Variants in DBX2 observed in about 807,000 individuals in gnomAD.
DBX2 encodes the protein homeobox protein DBX2.
A neutral mutation model predicts 17.7 loss-of-function variants in DBX2; 16 were observed. The ratio of observed to expected loss-of-function variants is 0.90; its 90% CI spans 0.61 to 1.37. DBX2 has a LOEUF of 1.37. Ranked by LOEUF, DBX2 falls within the 40% of genes most tolerant of loss-of-function variation. The probability of loss-of-function intolerance (pLI) is 0.00; values close to 1 mark genes in which losing one functional copy is unlikely to be tolerated. For missense variants in DBX2, 538 were observed against 433.8 expected, an observed-to-expected ratio of 1.24 and a Z score of -2.13; for synonymous variants, 255 against 183.8, an observed-to-expected ratio of 1.39 and a Z score of -3.13.
intron 2 of DBX2, among the ~76,000 whole-genome samples, chr12:45,025,017 G>C (rs1177548622): frequency 6.6e-6 from 1 of 152,166 alleles, no homozygotes; most frequent in Non-Finnish European, 1.5e-5. Flanking sequence ...CACTCATTCT[G>C]CTTCCCAGGT....
chr12:45,015,780 G>T lies in DBX2; in HGVS notation c.*506C>A, dbSNP rs1475858792. 6.6e-6 allele frequency: 1 copy of T among 152,190 alleles called. No homozygotes were observed. The highest frequency in any genetic ancestry group is 2.4e-5 in the African/African-American group (1 of 41,452). The allele number at this position is 152,190 out of a possible 1,614,324, so 9.4% of individuals were successfully genotyped here. On this transcript the variant is annotated 3_prime_UTR_variant, in exon 4 of 4. Coordinates refer to ENST00000332700, the MANE Select transcript of DBX2 (RefSeq NM_001004329.3). ...ATTCACTTACAGCTGGATACCAAAA[G>T]AAGTCAGAAAATAGAGAATTTTTAA...
intron 3 of DBX2, among the ~76,000 whole-genome samples, chr12:45,018,883 G>A (rs1200527484): frequency 6.6e-6 from 1 of 151,714 alleles, no homozygotes; most frequent in Non-Finnish European, 1.5e-5. Context: ...AGTAAAACAG[G>A]CCAGGATAAA....
intron 1 of DBX2, among the ~76,000 whole-genome samples, chr12:45,044,775 G>A (rs1946490909): frequency 6.6e-6 from 1 of 151,990 alleles, no homozygotes; most frequent in Admixed American, 6.6e-5. Context: ...ACAAAAGTGT[G>A]CCCCTGACAT....
chr12:45,035,019 G>A (rs1345780398), intron 2 of DBX2, among the ~76,000 whole-genome samples: 1 of 152,236 alleles, frequency 6.6e-6, no homozygotes. Flanking sequence ...CTGTGGGAAA[G>A]TATCAGCCCC....
rs370822866 is a variant in DBX2, at chr12:45,051,005, C to T, written c.-78G>A. On this transcript the variant is annotated 5_prime_UTR_variant, in exon 1 of 4. Transcript: ENST00000332700. ...CGGGCGCCCCGCACCGCACCCAGAG[C>T]CGCAGCTTCTCGCCGCCGCCTCCCG... The T allele has an allele frequency of 1.5e-6, 2 of 1,313,448 alleles. No individual in the cohort carries two copies. Among genetic ancestry groups the T allele is most frequent in the Non-Finnish European group, 1.9e-6 (2 of 1,035,630 alleles). 81.4% of individuals were successfully genotyped at this position (1,313,448 alleles called of 1,614,324 possible). A position where few individuals can be genotyped will look rare whatever the true frequency, so the allele number is the denominator to read the frequency against.
chr12:45,026,565 T>C (rs1946382612), intron 2 of DBX2, among the ~76,000 whole-genome samples: 1 of 152,208 alleles, frequency 6.6e-6, no homozygotes, highest in Non-Finnish European at 1.5e-5. Context: ...ACAAATGTAC[T>C]AACCCTACAC....
chr12:45,019,938 C>T (rs1020181549), intron 3 of DBX2, among the ~76,000 whole-genome samples: 9 of 152,104 alleles, frequency 5.9e-5, no homozygotes, highest in African/African-American at 2.2e-4. Flanking sequence ...TTTTACTACA[C>T]ACAACATGAA....
chr12:45,039,323 G>C lies in DBX2; in HGVS notation c.404-3209C>G, dbSNP rs11182804. 4.4e-3 allele frequency among the ~76,000 whole-genome samples: 368 copies of C among 84,496 alleles called. 14 individuals are homozygous for C. In the East Asian group the frequency reaches 0.083, roughly 19 times the overall value. The allele number at this position is 84,496 out of a possible 152,430, so 55.4% of individuals were successfully genotyped here. On this transcript the variant is annotated intron_variant, in intron 1 of 3. Transcript: ENST00000332700. The stretch of plus-strand genomic sequence containing the variant: ...TATATATATATATATATATATATAT[G>C]TATCACACTTTTAACTTTAGTGAAC...
At position 45,016,450 on chromosome 12, in the gene DBX2, G is replaced by A; in HGVS notation, c.856C>T (p.His286Tyr). ...CPSIWDVPQQ[H>Y]SSPRWRENSP... ...TTCTCCCTCCATCTTGGACTTGAGT[G>A]CTGTTGGGGGACGTCCCATATTGAA... Residue 286 changes from histidine to tyrosine, a missense_variant, in exon 4 of 4, where the codon CAC (histidine) becomes TAC (tyrosine). His to Tyr is a moderately conservative substitution (Grantham distance 83, BLOSUM62 2). Transcript: ENST00000332700. 2 of 1,614,012 alleles carry A rather than the reference G, an allele frequency of 1.2e-6. No homozygotes were observed. Among genetic ancestry groups the A allele is most frequent in the Non-Finnish European group, 8.5e-7 (1 of 1,179,952 alleles).
intron 2 of DBX2, among the ~76,000 whole-genome samples, chr12:45,034,188 T>C (rs1946423707): frequency 6.6e-6 from 1 of 151,966 alleles, no homozygotes; most frequent in Non-Finnish European, 1.5e-5. Flanking sequence ...TTTTTGTCCA[T>C]TTCCACTTAC....
Position 45,016,120 on chromosome 12 carries a change from A to T in DBX2, c.*166T>A. 2 of 640,262 alleles carry T rather than the reference A, an allele frequency of 3.1e-6. No individual in the cohort carries two copies. Among genetic ancestry groups the T allele is most frequent in the Non-Finnish European group, 4.9e-6 (2 of 409,472 alleles). 39.7% of individuals were successfully genotyped at this position (640,262 alleles called of 1,614,324 possible). A position where few individuals can be genotyped will look rare whatever the true frequency, so the allele number is the denominator to read the frequency against. ...CCACTTACAAATTAAGCCTGAGTCTAGGGCCAAACAAGAGAACACTAGAGT... is the reference window on the plus strand; with the variant it reads ...CCACTTACAAATTAAGCCTGAGTCTTGGGCCAAACAAGAGAACACTAGAGT... On this transcript the variant is annotated 3_prime_UTR_variant, in exon 4 of 4. Transcript: ENST00000332700.
chr12:45,037,122 A>C (rs1565584623), intron 1 of DBX2, among the ~76,000 whole-genome samples: 1 of 152,190 alleles, frequency 6.6e-6, no homozygotes, highest in Non-Finnish European at 1.5e-5. Context: ...CTTTGAATTT[A>C]ACATTTTAAG....
intron 1 of DBX2, among the ~76,000 whole-genome samples, chr12:45,050,056 AC>A (rs1231177968): frequency 1.3e-5 from 2 of 151,980 alleles, no homozygotes; most frequent in African/African-American, 4.8e-5. Context: ...GACCATCCTA[AC>A]AGTTTCAGTG....
intron 1 of DBX2, among the ~76,000 whole-genome samples, chr12:45,039,433 C>T (rs1398108458): frequency 6.6e-6 from 1 of 150,538 alleles, no homozygotes; most frequent in Non-Finnish European, 1.5e-5. Flanking sequence ...GTGCTGTAAA[C>T]CCTTAAGAAT....
Position 45,048,290 on chromosome 12 carries a change from G to C in DBX2, c.403+2235C>G, listed in dbSNP as rs144241544. ...ATTAAGTCTGGGAAAAAAGGGGGTA[G>C]TCAACATGCAGAAATTACTAAAATC... is the stretch of plus-strand genomic sequence containing the variant. On this transcript the variant is annotated intron_variant, in intron 1 of 3. Transcript: ENST00000332700. Among the ~76,000 whole-genome samples, 800 of 152,262 alleles carry C rather than the reference G, an allele frequency of 5.3e-3. 7 individuals carry two copies. The highest frequency in any genetic ancestry group is 0.018 in the African/African-American group (752 of 41,562).
At chr12:45,034,128 CCA>C (rs3990142) in intron 2 of DBX2, among the ~76,000 whole-genome samples, 4 of 149,952 alleles carry the variant, frequency 2.7e-5, no homozygotes, top group Admixed American at 6.7e-5. Flanking sequence ...ACACCCACAC[CCA>C]CACACACACA....
At chr12:45,050,481 G>A (rs11182811) in intron 1 of DBX2, 44 bp downstream of exon 1, 1 of 1,541,692 alleles carries the variant, frequency 6.5e-7, no homozygotes. Flanking sequence ...CACCCGGCCT[G>A]GGGGCGCGGG....
chr12:45,022,798 C>T (rs1451223646), intron 3 of DBX2, among the ~76,000 whole-genome samples: 2 of 152,112 alleles, frequency 1.3e-5, no homozygotes, highest in African/African-American at 2.4e-5. Context: ...GCATTTCAGC[C>T]GCCACTATCC....
At chr12:45,020,738 G>A (rs1946347688) in intron 3 of DBX2, among the ~76,000 whole-genome samples, 1 of 150,930 alleles carries the variant, frequency 6.6e-6, no homozygotes, top group Admixed American at 6.6e-5. Context: ...TGAAATAGAG[G>A]TAGTAAAAGT....
Sources: allele counts gnomAD v4.1 joint callset (sites outside exome capture counted in the v4.1 genomes callset), GRCh38; gene constraint gnomAD v4.1.1; transcripts MANE v1.5; gene names NCBI Gene and HGNC (gene_info 2026-07-23, HGNC 2026-07-21).